CRIM1: variants seen among roughly 807,000 people sequenced by gnomAD.
CRIM1 encodes the protein cysteine rich transmembrane BMP regulator 1.
In CRIM1, 32 loss-of-function variants were observed where a neutral mutation model predicts 116.4. The observed-to-expected ratio is 0.27, with a 90% confidence interval of 0.21 to 0.37. The LOEUF (loss-of-function observed/expected upper bound fraction) is 0.37. Ranked by LOEUF, CRIM1 falls within the 10% of genes least tolerant of loss-of-function variation. CRIM1 has a pLI of 1.00. For synonymous variants in CRIM1, 590 were observed against 509.2 expected (o/e 1.16, Z -2.13); for missense variants, 1,331 against 1,354.8 (o/e 0.98, Z 0.28).
intron 4 of CRIM1, among the ~76,000 whole-genome samples, chr2:36,460,772 C>G (rs1677520008): frequency 6.6e-6 from 1 of 152,154 alleles, no homozygotes; most frequent in Non-Finnish European, 1.5e-5. Flanking sequence ...ATGATAGGTA[C>G]TAGAAGAGCT....
At chr2:36,451,097 C>G (rs776951277) in intron 4 of CRIM1, among the ~76,000 whole-genome samples, 1 of 152,156 alleles carries the variant, frequency 6.6e-6, no homozygotes, top group Non-Finnish European at 1.5e-5. Context: ...TTAAAATGCT[C>G]CAATCGGTTA....
chr2:36,449,634 G>A (rs772522788), intron 4 of CRIM1, among the ~76,000 whole-genome samples: 14 of 152,144 alleles, frequency 9.2e-5, no homozygotes, highest in Non-Finnish European at 2.1e-4. Flanking sequence ...GGATTTGATT[G>A]TCTCAAAAGT....
chr2:36,380,996 C>T (rs1216064961), intron 1 of CRIM1, among the ~76,000 whole-genome samples: 1 of 152,222 alleles, frequency 6.6e-6, no homozygotes, highest in Non-Finnish European at 1.5e-5. Flanking sequence ...CTCCTGGGGC[C>T]CCCCCGCTGC....
intron 2 of CRIM1, among the ~76,000 whole-genome samples, chr2:36,398,020 C>T (rs994270557): frequency 3.3e-5 from 5 of 152,108 alleles, no homozygotes; most frequent in African/African-American, 7.2e-5. Context: ...TTCTGTTGTT[C>T]GGTTGCCCTT....
intron 6 of CRIM1, 48 bp from the exon 7 acceptor site, chr2:36,479,449 A>G: frequency 6.3e-7 from 1 of 1,579,326 alleles, no homozygotes; most frequent in Non-Finnish European, 8.7e-7. Context: ...GACAGAGATA[A>G]GATTTAGAAG....
intron 1 of CRIM1, among the ~76,000 whole-genome samples, chr2:36,358,157 C>T (rs570711480): frequency 6.6e-6 from 1 of 152,124 alleles, no homozygotes; most frequent in East Asian, 1.9e-4. Context: ...GCCTGAAGTA[C>T]AAAAAAGCCT....
intron 2 of CRIM1, among the ~76,000 whole-genome samples, chr2:36,438,699 C>T (rs1016149740): frequency 6.6e-6 from 1 of 152,140 alleles, no homozygotes; most frequent in Non-Finnish European, 1.5e-5. Context: ...AACCCGGTAG[C>T]TTTAACAAAA....
chr2:36,530,730 CT>C (rs1289881059), intron 13 of CRIM1, among the ~76,000 whole-genome samples: 1 of 152,190 alleles, frequency 6.6e-6, no homozygotes, highest in African/African-American at 2.4e-5. Context: ...TACATGGGCC[CT>C]TTGTATGCCT....
At chr2:36,447,851 G>A (rs2058695) in intron 4 of CRIM1, among the ~76,000 whole-genome samples, 6,780 of 152,254 alleles carry the variant, frequency 0.045, 485 homozygotes, top group African/African-American at 0.15. Context: ...TCAGAAACGT[G>A]ATTCTTTTCC....
intron 6 of CRIM1, among the ~76,000 whole-genome samples, chr2:36,479,164 C>G (rs1273718673): frequency 2.0e-5 from 3 of 152,216 alleles, no homozygotes. Context: ...TTGTCAGAGC[C>G]TAAAATGGAG....
At chr2:36,458,764 G>A (rs1423540502) in intron 4 of CRIM1, among the ~76,000 whole-genome samples, 1 of 152,122 alleles carries the variant, frequency 6.6e-6, no homozygotes, top group Non-Finnish European at 1.5e-5. Context: ...TTGCAGCAGT[G>A]ACGGGAATGG....
intron 2 of CRIM1, among the ~76,000 whole-genome samples, chr2:36,440,783 G>T (rs1572736044): frequency 6.6e-6 from 1 of 152,328 alleles, no homozygotes; most frequent in Middle Eastern, 3.4e-3. Context: ...AGAGTGTGCA[G>T]GTAGAGTTCC....
chr2:36,501,857 C>G (rs1012378797), intron 8 of CRIM1, among the ~76,000 whole-genome samples: 3 of 152,214 alleles, frequency 2.0e-5, no homozygotes, highest in Non-Finnish European at 4.4e-5. Context: ...GGGTCAGTCC[C>G]TGTTGCCTTT....
At chr2:36,383,039 T>C (rs1268249591) in intron 1 of CRIM1, among the ~76,000 whole-genome samples, 1 of 152,198 alleles carries the variant, frequency 6.6e-6, no homozygotes, top group Admixed American at 6.5e-5. Flanking sequence ...GCTTTGTCAT[T>C]TGGATAGTGT....
chr2:36,392,725 A>T (rs150021177), intron 1 of CRIM1, among the ~76,000 whole-genome samples: 35 of 152,318 alleles, frequency 2.3e-4, no homozygotes, highest in African/African-American at 8.4e-4. Flanking sequence ...TCTCAGTAGC[A>T]TGTTGTACTT....
chr2:36,481,157 G>A (rs144445438), intron 7 of CRIM1, among the ~76,000 whole-genome samples: 10 of 152,288 alleles, frequency 6.6e-5, no homozygotes, highest in African/African-American at 2.2e-4. Flanking sequence ...TTAAAAACTT[G>A]TTGAATAAAA....
rs1194005678 is a variant in CRIM1, at chr2:36,537,476, C to T, written c.2553C>T (p.Thr851=). 5.0e-6 allele frequency: 8 copies of T among 1,614,092 alleles called. No homozygotes were observed. Among genetic ancestry groups the T allele is most frequent in the African/African-American group, 2.7e-5 (2 of 74,950 alleles). The part of the protein sequence containing the change: ...YCLQGQTLCS[T]VSCPPLPCVE... ...TGCAGGGCCAGACCCTCTGCTCGAC[C>T]GTCAGCTGCCCCCCTCTGCCCTGTG... Residue 851 remains threonine, a synonymous_variant, in exon 14 of 17, where the codon ACC becomes ACT. Transcript: ENST00000280527.
At chr2:36,532,098 G>A (rs1406899729) in intron 13 of CRIM1, 7 of 415,112 alleles carry the variant, frequency 1.7e-5, no homozygotes, top group Non-Finnish European at 2.5e-5. Context: ...AATAAGTAGC[G>A]AAGCCGATCT....
intron 2 of CRIM1, among the ~76,000 whole-genome samples, chr2:36,423,561 C>T (rs1226971900): frequency 1.3e-5 from 2 of 152,112 alleles, no homozygotes; most frequent in East Asian, 1.9e-4. Flanking sequence ...AGGCCTTTTG[C>T]GATTGTTGTG....
Sources: allele counts gnomAD v4.1 joint callset (sites outside exome capture counted in the v4.1 genomes callset), GRCh38; gene constraint gnomAD v4.1.1; transcripts MANE v1.5; gene names NCBI Gene and HGNC (gene_info 2026-07-23, HGNC 2026-07-21).